The following ZNF469 variants were observed in gnomAD, a reference collection of about 807,000 sequenced individuals.
ZNF469 encodes zinc finger protein 469.
ZNF469 carries 1 observed loss-of-function variant against 1.0 expected under a neutral mutation model. The ratio of observed to expected loss-of-function variants is 1.00; its 90% CI spans 0.35 to 4.73. The LOEUF (loss-of-function observed/expected upper bound fraction) is 4.73. ZNF469 is among the 30% of genes most tolerant of loss of function. The pLI is 0.16. For synonymous variants in ZNF469, 2,703 were observed against 2,363.4 expected, an observed-to-expected ratio of 1.14 and a Z score of -4.17; for missense variants, 6,100 against 5,356.3, an observed-to-expected ratio of 1.14 and a Z score of -4.33.
intron 1 of ZNF469, among the ~76,000 whole-genome samples, chr16:88,396,770 G>T (rs111459041): frequency 3.2e-5 from 3 of 92,960 alleles, no homozygotes; most frequent in African/African-American, 1.3e-4. Context: ...GGAGACCCTC[G>T]TGAAGGGAGG....
chr16:88,171,584 G>A, the ZNF469 span, among the ~76,000 whole-genome samples: 1 of 152,276 alleles, frequency 6.6e-6, no homozygotes. Context: ...CTATGATCAG[G>A]TACTGTGTCT....
chr16:88,407,576 T>C (rs1905056539), intron 1 of ZNF469, among the ~76,000 whole-genome samples: 1 of 152,262 alleles, frequency 6.6e-6, no homozygotes, highest in Admixed American at 6.5e-5. Context: ...GGCTGTGTCC[T>C]TGTCCCCGTT....
At chr16:88,348,339 T>C in the ZNF469 span, among the ~76,000 whole-genome samples, 1 of 152,172 alleles carries the variant, frequency 6.6e-6, no homozygotes, top group Non-Finnish European at 1.5e-5. Context: ...CTCGTTTCCC[T>C]GTCCTTGTAG....
At position 88,437,501 on chromosome 16, in the gene ZNF469, A is replaced by AG; in HGVS notation, c.10032dup (p.Arg3345AlafsTer158). Reference sequence around the variant, plus strand: ...TCCCGCGACTGCCACCACTGCGGGAAGCGCTTCCCCAAGCCCTTCAAGCTG... The same window carrying AG: ...TCCCGCGACTGCCACCACTGCGGGAAGGCGCTTCCCCAAGCCCTTCAAGCTG... On this transcript the variant is annotated frameshift_variant, in exon 3 of 3. Transcript: ENST00000565624. LOFTEE classifies it low-confidence loss of function (END_TRUNC). 6.5e-7 allele frequency: 1 copy of AG among 1,540,634 alleles called. No individual in the cohort carries two copies. The highest frequency in any genetic ancestry group is 8.8e-7 in the Non-Finnish European group (1 of 1,140,508).
At chr16:88,142,396 C>G in the ZNF469 span, among the ~76,000 whole-genome samples, 1 of 152,312 alleles carries the variant, frequency 6.6e-6, no homozygotes, top group African/African-American at 2.4e-5. Flanking sequence ...GGGCCAGAAT[C>G]CTGCGAGGGT....
At chr16:88,122,429 A>T in the ZNF469 span, among the ~76,000 whole-genome samples, 1 of 148,316 alleles carries the variant, frequency 6.7e-6, no homozygotes, top group Non-Finnish European at 1.5e-5. Context: ...GGCCACTCGG[A>T]TCACACTCCG....
chr16:88,157,349 C>G, the ZNF469 span, among the ~76,000 whole-genome samples: 4 of 152,230 alleles, frequency 2.6e-5, no homozygotes, highest in Admixed American at 2.6e-4. Flanking sequence ...GATGTTGCAC[C>G]ACAGGGAGGC....
chr16:88,250,477 G>T, the ZNF469 span, among the ~76,000 whole-genome samples: 129 of 152,122 alleles, frequency 8.5e-4, no homozygotes, highest in African/African-American at 3.1e-3. Flanking sequence ...TGTTTATCCT[G>T]CCCGGGCTTC....
the ZNF469 span, among the ~76,000 whole-genome samples, chr16:88,128,573 C>G: frequency 6.6e-6 from 1 of 152,182 alleles, no homozygotes; most frequent in Non-Finnish European, 1.5e-5. Flanking sequence ...TGGGCACTCC[C>G]TTTGTGGGTG....
chr16:88,226,002 G>A, the ZNF469 span, among the ~76,000 whole-genome samples: 3 of 152,010 alleles, frequency 2.0e-5, no homozygotes, highest in Non-Finnish European at 4.4e-5. Flanking sequence ...GGCTTTCTCT[G>A]TAGCCCCAGG....
Position 88,428,311 on chromosome 16 carries a change from C to T in ZNF469, c.841C>T (p.His281Tyr). The T allele has an allele frequency of 1.3e-6, 2 of 1,550,280 alleles. No individual in the cohort carries two copies. The highest frequency in any genetic ancestry group is 2.4e-5 in the South Asian group (2 of 84,070). ...VSFQFPFPAL[H>Y]GASTKPFPAD... ...CTTCCAGTTCCCCTTCCCGGCACTGCATGGGGCCAGCACAAAACCCTTCCC... is the reference window on the plus strand; with the variant it reads ...CTTCCAGTTCCCCTTCCCGGCACTGTATGGGGCCAGCACAAAACCCTTCCC... The change falls in exon 3 of 3, where the codon CAT becomes TAT. Residue 281 changes from histidine to tyrosine, a missense_variant. Coordinates refer to ENST00000565624, the MANE Select transcript of ZNF469 (RefSeq NM_001367624.2).
At chr16:88,411,637 G>C (rs533016953) in intron 1 of ZNF469, among the ~76,000 whole-genome samples, 79 of 152,264 alleles carry the variant, frequency 5.2e-4, no homozygotes, top group African/African-American at 1.7e-3. Context: ...GCCCCAGGAA[G>C]CTGGAGACAG....
At chr16:88,158,014 C>T in the ZNF469 span, among the ~76,000 whole-genome samples, 1 of 152,028 alleles carries the variant, frequency 6.6e-6, no homozygotes, top group Admixed American at 6.5e-5. Flanking sequence ...CCACCTGGGC[C>T]GGCAACGTGG....
At chr16:88,392,531 C>T (rs1904521720) in intron 1 of ZNF469, among the ~76,000 whole-genome samples, 1 of 152,248 alleles carries the variant, frequency 6.6e-6, no homozygotes, top group Non-Finnish European at 1.5e-5. Flanking sequence ...CCCTCGGGGG[C>T]TGGTTAAGCC....
the ZNF469 span, among the ~76,000 whole-genome samples, chr16:88,114,195 C>T: frequency 1.4e-5 from 2 of 145,374 alleles, no homozygotes; most frequent in Non-Finnish European, 3.1e-5. Flanking sequence ...TGACAGGGAC[C>T]ATACTCACTC....
the ZNF469 span, among the ~76,000 whole-genome samples, chr16:88,315,730 G>T: frequency 1.3e-5 from 2 of 152,184 alleles, no homozygotes; most frequent in Admixed American, 6.5e-5. Flanking sequence ...AAGCCCCCAG[G>T]GTTCAAAGGA....
chr16:88,239,665 T>TTTATATATATATA, the ZNF469 span, among the ~76,000 whole-genome samples: 1 of 73,228 alleles, frequency 1.4e-5, no homozygotes, highest in Non-Finnish European at 2.7e-5. Flanking sequence ...TTTTTTTTTT[T>TTTATATATATATA]TGTATATATA....
chr16:88,281,188 GTGCTGTGC>G, the ZNF469 span, among the ~76,000 whole-genome samples: 1 of 136,700 alleles, frequency 7.3e-6, no homozygotes, highest in East Asian at 2.6e-4. Context: ...GCACAGGTTA[GTGCTGTGC>G]TATGCTGACG....
At chr16:88,377,928 G>A in the ZNF469 span, among the ~76,000 whole-genome samples, 15 of 152,074 alleles carry the variant, frequency 9.9e-5, no homozygotes, top group Non-Finnish European at 1.5e-4. Context: ...CCCTGGCCAG[G>A]TGCCTAGGGC....
Sources: allele counts gnomAD v4.1 joint callset (sites outside exome capture counted in the v4.1 genomes callset), GRCh38; gene constraint gnomAD v4.1.1; transcripts MANE v1.5; gene names NCBI Gene and HGNC (gene_info 2026-07-23, HGNC 2026-07-21).